Variants in ZNF37A observed in about 807,000 individuals in gnomAD.
The protein encoded by ZNF37A is zinc finger protein 37A, also known as zinc finger protein 37a (KOX 21).
In ZNF37A, 10 loss-of-function variants were observed where a neutral mutation model predicts 12.3. The observed-to-expected ratio is 0.82, with a 90% confidence interval of 0.50 to 1.38. The LOEUF (loss-of-function observed/expected upper bound fraction) is 1.38, where lower values mean the gene tolerates loss of function less well. Among genes scored for constraint, ZNF37A ranks in the 40% most tolerant of loss-of-function variants. The probability of loss-of-function intolerance (pLI) is 0.00; values close to 1 mark genes in which losing one functional copy is unlikely to be tolerated. For missense variants in ZNF37A, 580 were observed against 651.2 expected (o/e 0.89, Z 1.19); for synonymous variants, 207 against 223.0 (o/e 0.93, Z 0.64).
chr10:38,126,496 G>A (rs1443381770), downstream of ZNF37A, among the ~76,000 whole-genome samples: 3 of 152,154 alleles, frequency 2.0e-5, no homozygotes, highest in Non-Finnish European at 4.4e-5. Flanking sequence ...GGCAATACTC[G>A]TCTTAGTGAC....
chr10:38,133,108 G>A (rs1374450983), intron 7 of ZNF37A, among the ~76,000 whole-genome samples: 1 of 152,036 alleles, frequency 6.6e-6, no homozygotes, highest in Non-Finnish European at 1.5e-5. Flanking sequence ...CTATTTGCAT[G>A]TAATATATTT....
rs1327963862 is a variant in ZNF37A at position 38,117,649 on chromosome 10, A to C, written c.498A>C (p.Arg166Ser). 6.2e-7 allele frequency: 1 copy of C among 1,613,878 alleles called. No individual in the cohort carries two copies. Among genetic ancestry groups the C allele is most frequent in the Non-Finnish European group, 8.5e-7 (1 of 1,179,992 alleles). The change falls in exon 8 of 8, where the codon AGA becomes AGC. Residue 166 changes from arginine (R) to serine (S), a missense_variant. Coordinates refer to ENST00000685332, the MANE Select transcript of ZNF37A (RefSeq NM_001324250.3). ...PENSLFLVHK[R>S]GYTGQKTCKY... ...ATTCACTCTTCCTTGTACATAAGAG[A>C]GGTTACACAGGACAGAAAACCTGCA...
At chr10:38,112,896 C>T (rs939752305) in intron 5 of ZNF37A, among the ~76,000 whole-genome samples, 3 of 152,054 alleles carry the variant, frequency 2.0e-5, no homozygotes, top group African/African-American at 7.2e-5. Flanking sequence ...CACACTCCGC[C>T]TCCCAGGTTC....
At chr10:38,129,986 A>T (rs968280714), downstream of ZNF37A, among the ~76,000 whole-genome samples, 4 of 152,142 alleles carry the variant, frequency 2.6e-5, no homozygotes, top group Non-Finnish European at 4.4e-5. Flanking sequence ...TATACCTAAA[A>T]TTTTTTCACT....
At chr10:38,128,984 C>T (rs1389252650), downstream of ZNF37A, among the ~76,000 whole-genome samples, 1 of 152,080 alleles carries the variant, frequency 6.6e-6, no homozygotes, top group Admixed American at 6.6e-5. Flanking sequence ...GAACTCCTGA[C>T]CTCGTGATCT....
chr10:38,143,490 C>T (rs1274828315), intron 7 of ZNF37A: 1 of 152,184 alleles, frequency 6.6e-6, no homozygotes, highest in Non-Finnish European at 1.5e-5. Flanking sequence ...AGTCTCATCT[C>T]TGGAAAGAAC....
downstream of ZNF37A, among the ~76,000 whole-genome samples, chr10:38,127,260 T>A (rs2069941504): frequency 1.3e-5 from 2 of 152,126 alleles, no homozygotes; most frequent in African/African-American, 4.8e-5. Context: ...TTTGAGACAC[T>A]CAAGCCCCAG....
chr10:38,112,126 A>C (rs570975628), intron 5 of ZNF37A, among the ~76,000 whole-genome samples: 45 of 139,954 alleles, frequency 3.2e-4, no homozygotes, highest in Admixed American at 1.9e-3. Flanking sequence ...TTCAAACAAC[A>C]ACCACCAAAA....
At chr10:38,134,591 G>A (rs1048402858) in intron 7 of ZNF37A, among the ~76,000 whole-genome samples, 1 of 152,180 alleles carries the variant, frequency 6.6e-6, no homozygotes, top group Non-Finnish European at 1.5e-5. Flanking sequence ...TATCACCAGC[G>A]GAGGCTGCAG....
Position 38,122,536 on chromosome 10 carries a change from T to G in ZNF37A, c.*3699T>G, listed in dbSNP as rs1405823247. The G allele has an allele frequency of 2.0e-5, 3 of 152,182 alleles. No individual in the cohort carries two copies. Among genetic ancestry groups the G allele is most frequent in the South Asian group, 4.1e-4 (2 of 4,832 alleles). The allele number at this position is 152,182 out of a possible 1,614,324, so 9.4% of individuals were successfully genotyped here. On this transcript the variant is annotated 3_prime_UTR_variant, in exon 8 of 8. Transcript: ENST00000685332. Reference sequence around the variant, plus strand: ...ACCCAGAAACAAATTCATACATCTATGGTGACCACTTTTGACAAAGGAATG... The same window carrying G: ...ACCCAGAAACAAATTCATACATCTAGGGTGACCACTTTTGACAAAGGAATG...
rs1442097069 is a variant in ZNF37A at position 38,094,713 on chromosome 10, C to T, written c.-491-218C>T. 3.9e-5 allele frequency among the ~76,000 whole-genome samples: 6 copies of T among 152,384 alleles called. No homozygotes were observed. In the East Asian group the frequency reaches 9.7e-4, roughly 25 times the overall value. On this transcript the variant is annotated intron_variant, in intron 1 of 7. Coordinates refer to ENST00000685332, the MANE Select transcript of ZNF37A (RefSeq NM_001324250.3). The stretch of plus-strand genomic sequence containing the variant: ...AGGCCTCCGCAGGACGGCGCAGAAA[C>T]GGGCCTTCTGCCCAATAGATGCGCG...
intron 7 of ZNF37A, chr10:38,137,478 G>A (rs939028378): frequency 7.9e-5 from 12 of 152,074 alleles, no homozygotes; most frequent in African/African-American, 2.7e-4. Flanking sequence ...ATCCCTTGGT[G>A]GCTACTTCAG....
intron 5 of ZNF37A, among the ~76,000 whole-genome samples, chr10:38,112,778 T>G (rs188837356): frequency 0.069 from 4,384 of 63,198 alleles, 821 homozygotes; most frequent in East Asian, 0.12. Flanking sequence ...TTCTTTTCTT[T>G]TCTTTTCTTT....
At chr10:38,117,314 C>G in intron 7 of ZNF37A, 76 bp from the exon 8 acceptor site, 1 of 1,516,634 alleles carries the variant, frequency 6.6e-7, no homozygotes, top group Non-Finnish European at 8.8e-7. Flanking sequence ...CTGAGCCATG[C>G]CTTCAAATAT....
At chr10:38,113,641 A>G (rs2069009814) in intron 5 of ZNF37A, among the ~76,000 whole-genome samples, 1 of 152,190 alleles carries the variant, frequency 6.6e-6, no homozygotes, top group African/African-American at 2.4e-5. Flanking sequence ...GCCCTCTGGA[A>G]GTAGCCCTTC....
intron 7 of ZNF37A, among the ~76,000 whole-genome samples, chr10:38,130,871 C>T (rs565512407): frequency 6.6e-6 from 1 of 152,236 alleles, no homozygotes; most frequent in South Asian, 2.1e-4. Flanking sequence ...TGTTATTTTC[C>T]ATTTTTCGTT....
Position 38,094,506 on chromosome 10 carries a change from C to G in ZNF37A, c.-492+16C>G, listed in dbSNP as rs2066980105. Reference sequence around the variant, plus strand: ...GACGCGGAGGGTGAGTAAGGGAGGGCAGGGGCGAGGGTGGACTGGGGGTTC... The same window carrying G: ...GACGCGGAGGGTGAGTAAGGGAGGGGAGGGGCGAGGGTGGACTGGGGGTTC... On this transcript the variant is annotated intron_variant, in intron 1 of 7. Transcript: ENST00000685332. The G allele has an allele frequency of 6.6e-6, 1 of 151,992 alleles. No homozygotes were observed. Among genetic ancestry groups the G allele is most frequent in the Non-Finnish European group, 1.5e-5 (1 of 68,034 alleles). 9.4% of individuals were successfully genotyped at this position (151,992 alleles called of 1,614,324 possible).
rs1420719422 is a variant in ZNF37A at position 38,118,029 on chromosome 10, A to G, written c.878A>G (p.His293Arg). The change falls in exon 8 of 8, where the codon CAC becomes CGC. Residue 293 changes from histidine (H) to arginine (R), a missense_variant. Transcript: ENST00000685332. ...KSAHTRHQRT[H>R]TGGKPYECHE... ...GCCCACACAAGACATCAGAGAACAC[A>G]CACAGGGGGAAAACCCTATGAATGT... is the stretch of plus-strand genomic sequence containing the variant. 6.2e-7 allele frequency: 1 copy of G among 1,614,106 alleles called. No homozygotes were observed. Among genetic ancestry groups the G allele is most frequent in the South Asian group, 1.1e-5 (1 of 91,078 alleles).
At chr10:38,096,822 A>G (rs1357371589) in intron 5 of ZNF37A, among the ~76,000 whole-genome samples, 190 bp downstream of exon 5, 1 of 151,908 alleles carries the variant, frequency 6.6e-6, no homozygotes, top group Admixed American at 6.6e-5. Context: ...TGGTTTTTAT[A>G]TTTTTAGGTG....
Sources: gnomAD v4.1 joint callset for allele counts (sites outside exome capture counted in the v4.1 genomes callset) on GRCh38, gnomAD v4.1.1 for gene constraint, MANE v1.5 for transcripts, NCBI Gene and HGNC (gene_info 2026-07-23, HGNC 2026-07-21) for gene names.